Variants in PGM5 observed in about 807,000 individuals in gnomAD.
PGM5 encodes the protein phosphoglucomutase-like protein 5.
PGM5 carries 23 observed loss-of-function variants against 59.2 expected under a neutral mutation model. The observed-to-expected ratio is 0.39, with a 90% CI of 0.28 to 0.55. The LOEUF (loss-of-function observed/expected upper bound fraction) is 0.55, where lower values mean the gene tolerates loss of function less well. Among genes scored for constraint, PGM5 ranks in the 20% least tolerant of loss-of-function variants. The pLI, the probability that PGM5 is intolerant of heterozygous loss-of-function variation, is 0.66. For synonymous variants in PGM5, 214 were observed against 286.0 expected (o/e 0.75, Z 2.54); for missense variants, 574 against 748.3 (o/e 0.77, Z 2.72).
chr9:68,504,929 C>T (rs1824631740), intron 10 of PGM5, among the ~76,000 whole-genome samples: 1 of 152,174 alleles, frequency 6.6e-6, no homozygotes, highest in African/African-American at 2.4e-5. Context: ...ATATTCTGTA[C>T]TCAGGATGAA....
chr9:68,425,117 T>C (rs1823212275), intron 6 of PGM5, among the ~76,000 whole-genome samples: 1 of 152,176 alleles, frequency 6.6e-6, no homozygotes, highest in African/African-American at 2.4e-5. Flanking sequence ...TGTATGCTCT[T>C]TCTAGTATAA....
chr9:68,456,281 AT>A (rs781965665), intron 6 of PGM5, among the ~76,000 whole-genome samples: 23 of 136,848 alleles, frequency 1.7e-4, no homozygotes, highest in Non-Finnish European at 3.0e-4. Flanking sequence ...TTGGTATTAG[AT>A]TTTTTCTTTT....
At chr9:68,527,902 T>A (rs1266338271) in intron 10 of PGM5, among the ~76,000 whole-genome samples, 2 of 152,192 alleles carry the variant, frequency 1.3e-5, no homozygotes, top group Non-Finnish European at 2.9e-5. Flanking sequence ...ACCTTACACC[T>A]CACTCTAGCA....
At chr9:68,450,367 C>T (rs1823676158) in intron 6 of PGM5, among the ~76,000 whole-genome samples, 1 of 152,130 alleles carries the variant, frequency 6.6e-6, no homozygotes, top group South Asian at 2.1e-4. Flanking sequence ...CCCAGGAATT[C>T]ACATTTTTAA....
intron 9 of PGM5, among the ~76,000 whole-genome samples, chr9:68,485,463 C>T (rs1824279669): frequency 6.6e-6 from 1 of 152,144 alleles, no homozygotes. Context: ...GAATAAGTCT[C>T]ATGAGATCTG....
At chr9:68,482,660 C>T (rs1824216777) in intron 8 of PGM5, among the ~76,000 whole-genome samples, 1 of 152,178 alleles carries the variant, frequency 6.6e-6, no homozygotes, top group African/African-American at 2.4e-5. Flanking sequence ...TAAGATCCTC[C>T]AAGTGACTTG....
chr9:68,500,600 CG>C, intron 10 of PGM5, among the ~76,000 whole-genome samples: 1 of 152,116 alleles, frequency 6.6e-6, no homozygotes, highest in East Asian at 1.9e-4. Context: ...TTGGTTAGTG[CG>C]TACATTTCTC....
intron 10 of PGM5, among the ~76,000 whole-genome samples, chr9:68,522,179 C>G (rs1824908502): frequency 6.6e-6 from 1 of 152,152 alleles, no homozygotes; most frequent in Non-Finnish European, 1.5e-5. Flanking sequence ...TGCTTGAACC[C>G]AAGAGGCAAA....
intron 9 of PGM5, among the ~76,000 whole-genome samples, chr9:68,485,165 CA>C (rs1389293886): frequency 6.6e-6 from 1 of 152,158 alleles, no homozygotes; most frequent in Non-Finnish European, 1.5e-5. Context: ...TCAGTGTACT[CA>C]GTGCTTGGAT....
chr9:68,504,523 C>A (rs1194573832), intron 10 of PGM5, among the ~76,000 whole-genome samples: 1 of 152,158 alleles, frequency 6.6e-6, no homozygotes, highest in African/African-American at 2.4e-5. Flanking sequence ...AATGCTCTGC[C>A]TCGTGTTAGT....
chr9:68,490,083 A>G (rs1481183159), intron 9 of PGM5, among the ~76,000 whole-genome samples: 1 of 152,168 alleles, frequency 6.6e-6, no homozygotes, highest in African/African-American at 2.4e-5. Flanking sequence ...GCTCTTTTTA[A>G]TTTCAGTGTT....
At chr9:68,494,415 A>G (rs1346304904) in intron 9 of PGM5, among the ~76,000 whole-genome samples, 1 of 152,196 alleles carries the variant, frequency 6.6e-6, no homozygotes, top group Non-Finnish European at 1.5e-5. Context: ...CCTTCCTTAT[A>G]AGGGACATGT....
At chr9:68,525,741 A>G (rs758874218) in intron 10 of PGM5, among the ~76,000 whole-genome samples, 4 of 152,190 alleles carry the variant, frequency 2.6e-5, no homozygotes, top group Admixed American at 6.5e-5. Flanking sequence ...GGAAGAAAAA[A>G]TATATTAGTT....
chr9:68,484,141 G>T (rs1824248403), intron 9 of PGM5, 93 bp downstream of exon 9: 7 of 1,083,844 alleles, frequency 6.5e-6, no homozygotes, highest in Non-Finnish European at 9.7e-6. Context: ...ATGATCTAAG[G>T]TGACCTCATT....
chr9:68,418,090 G>A (rs1554682117), intron 6 of PGM5, among the ~76,000 whole-genome samples: 1 of 152,160 alleles, frequency 6.6e-6, no homozygotes, highest in Non-Finnish European at 1.5e-5. Flanking sequence ...GCCACCAAGG[G>A]CCATTCTCTC....
intron 6 of PGM5, among the ~76,000 whole-genome samples, chr9:68,443,484 A>C (rs977885844): frequency 2.0e-5 from 3 of 152,220 alleles, no homozygotes; most frequent in Non-Finnish European, 1.5e-5. Flanking sequence ...ACACAGCAAA[A>C]AGTCAATTTC....
chr9:68,499,993 C>A (rs1210056276), intron 10 of PGM5, among the ~76,000 whole-genome samples: 1 of 152,182 alleles, frequency 6.6e-6, no homozygotes, highest in Admixed American at 6.5e-5. Context: ...CTCCAGCCAA[C>A]ATTAATTAAT....
intron 6 of PGM5, chr9:68,397,728 A>G (rs1822547964): frequency 6.6e-6 from 1 of 152,216 alleles, no homozygotes; most frequent in African/African-American, 2.4e-5. Context: ...AACTTGGTGC[A>G]GTACTCATTG....
rs781967033 is a variant in PGM5, at chr9:68,465,083, C to T, written c.1044-10C>T. On this transcript the variant is annotated splice_polypyrimidine_tract_variant and intron_variant, in intron 6 of 10. Coordinates refer to ENST00000396396, the MANE Select transcript of PGM5 (RefSeq NM_021965.4). ...ATATGAATTGACTTTTCTCAAATTT[C>T]ATTTTTCAGAGTGGCCAAATCAATG... 2 of 1,546,066 alleles carry T rather than the reference C, an allele frequency of 1.3e-6. No individual in the cohort carries two copies.
Sources: allele counts gnomAD v4.1 joint callset (sites outside exome capture counted in the v4.1 genomes callset), GRCh38; gene constraint gnomAD v4.1.1; transcripts MANE v1.5; gene names NCBI Gene and HGNC (gene_info 2026-07-23, HGNC 2026-07-21).